Variants in SCHIP1 observed in about 807,000 individuals in gnomAD.
SCHIP1 encodes the protein schwannomin-interacting protein 1.
SCHIP1 carries 8 observed loss-of-function variants against 29.7 expected under a neutral mutation model. The observed-to-expected ratio is 0.27, with a 90% CI of 0.16 to 0.49. The LOEUF (loss-of-function observed/expected upper bound fraction) is 0.49. Ranked by LOEUF, SCHIP1 falls within the 20% of genes least tolerant of loss-of-function variation. The probability of loss-of-function intolerance (pLI) is 0.99; values close to 1 mark genes in which losing one functional copy is unlikely to be tolerated. For missense variants in SCHIP1, 193 were observed against 294.6 expected (o/e 0.66, Z 2.52); for synonymous variants, 76 against 94.9 (o/e 0.80, Z 1.16).
At chr3:159,285,356 A>T in the SCHIP1 span, among the ~76,000 whole-genome samples, 22 of 152,056 alleles carry the variant, frequency 1.4e-4, no homozygotes, top group African/African-American at 5.1e-4. Context: ...TCTATTTGCT[A>T]ATAGATAACA....
At chr3:159,724,857 G>A in the SCHIP1 span, among the ~76,000 whole-genome samples, 2 of 152,138 alleles carry the variant, frequency 1.3e-5, no homozygotes, top group African/African-American at 4.8e-5. Flanking sequence ...TAACTCAATG[G>A]GAATTCAGTG....
At chr3:159,581,743 A>G in the SCHIP1 span, among the ~76,000 whole-genome samples, 1 of 152,220 alleles carries the variant, frequency 6.6e-6, no homozygotes, top group Admixed American at 6.5e-5. Context: ...AGTAAAGTCT[A>G]CCTGATTTCA....
the SCHIP1 span, chr3:159,722,396 C>A: frequency 6.6e-6 from 1 of 152,600 alleles, no homozygotes; most frequent in Non-Finnish European, 1.5e-5. Context: ...CTCTTTCTAT[C>A]TTATAGAGAG....
At chr3:159,753,140 C>T in the SCHIP1 span, among the ~76,000 whole-genome samples, 2 of 152,176 alleles carry the variant, frequency 1.3e-5, no homozygotes, top group African/African-American at 2.4e-5. Context: ...GGACTAGAAA[C>T]TTGGCCTTCT....
At chr3:159,624,554 G>C in the SCHIP1 span, among the ~76,000 whole-genome samples, 1 of 152,134 alleles carries the variant, frequency 6.6e-6, no homozygotes, top group Non-Finnish European at 1.5e-5. Context: ...AATAATAACT[G>C]GGCCTAGAGG....
chr3:159,310,127 G>T, the SCHIP1 span, among the ~76,000 whole-genome samples: 1 of 152,136 alleles, frequency 6.6e-6, no homozygotes, highest in East Asian at 1.9e-4. Context: ...CCTCTTATTA[G>T]TGGGGGCATT....
the SCHIP1 span, among the ~76,000 whole-genome samples, chr3:159,569,012 A>G: frequency 3.1e-3 from 469 of 152,188 alleles, 4 homozygotes; most frequent in African/African-American, 0.011. Context: ...CCTAAAAACT[A>G]TTTTACCTAA....
chr3:159,640,837 T>C, the SCHIP1 span, among the ~76,000 whole-genome samples: 8 of 152,170 alleles, frequency 5.3e-5, no homozygotes, highest in African/African-American at 1.9e-4. Context: ...CTTCTCCAGC[T>C]GATAGTTCCC....
chr3:159,368,460 C>T, the SCHIP1 span, among the ~76,000 whole-genome samples: 4 of 152,292 alleles, frequency 2.6e-5, no homozygotes, highest in South Asian at 8.3e-4. Flanking sequence ...ACTGGCCTAG[C>T]AGTCAGAAGA....
chr3:159,463,340 T>C, the SCHIP1 span, among the ~76,000 whole-genome samples: 4 of 152,136 alleles, frequency 2.6e-5, no homozygotes, highest in African/African-American at 9.6e-5. Flanking sequence ...ATTTAGTTGA[T>C]ATTTACTTTG....
chr3:159,592,356 A>G, the SCHIP1 span, among the ~76,000 whole-genome samples: 1 of 152,254 alleles, frequency 6.6e-6, no homozygotes, highest in South Asian at 2.1e-4. Flanking sequence ...TCCTATTCAA[A>G]TAATAATTCT....
At chr3:159,564,163 C>T in the SCHIP1 span, among the ~76,000 whole-genome samples, 1 of 152,146 alleles carries the variant, frequency 6.6e-6, no homozygotes, top group Non-Finnish European at 1.5e-5. Flanking sequence ...CTGTACCCTG[C>T]ACTCACATAT....
chr3:159,800,732 C>T, the SCHIP1 span, among the ~76,000 whole-genome samples: 20 of 150,526 alleles, frequency 1.3e-4, no homozygotes, highest in African/African-American at 4.6e-4. Flanking sequence ...CATTTTTATA[C>T]AGGGCAGAGG....
At chr3:159,637,720 G>A in the SCHIP1 span, among the ~76,000 whole-genome samples, 1 of 152,152 alleles carries the variant, frequency 6.6e-6, no homozygotes, top group Non-Finnish European at 1.5e-5. Flanking sequence ...TTCCTTTTGA[G>A]AGTTATCATT....
chr3:159,576,674 G>A, the SCHIP1 span, among the ~76,000 whole-genome samples: 1 of 152,084 alleles, frequency 6.6e-6, no homozygotes, highest in East Asian at 1.9e-4. Flanking sequence ...TCATTGAAGT[G>A]TGACTCTCCT....
chr3:159,790,442 G>A, the SCHIP1 span, among the ~76,000 whole-genome samples: 1 of 152,334 alleles, frequency 6.6e-6, no homozygotes, highest in Middle Eastern at 3.4e-3. Context: ...TGTAATCCCA[G>A]CGCTTTGAAA....
the SCHIP1 span, among the ~76,000 whole-genome samples, chr3:159,710,108 A>G: frequency 6.6e-6 from 1 of 152,248 alleles, no homozygotes; most frequent in Non-Finnish European, 1.5e-5. Context: ...AAAAGAATGA[A>G]ATCTGTACGT....
chr3:159,681,380 T>A, the SCHIP1 span, among the ~76,000 whole-genome samples: 2 of 152,120 alleles, frequency 1.3e-5, no homozygotes, highest in African/African-American at 4.8e-5. Flanking sequence ...AAAACTAACA[T>A]CATCACAAGT....
the SCHIP1 span, among the ~76,000 whole-genome samples, chr3:159,578,072 G>T: frequency 1.3e-5 from 2 of 152,138 alleles, no homozygotes; most frequent in Non-Finnish European, 2.9e-5. Flanking sequence ...GTTTTGGGGG[G>T]GTGGAAGGGA....
Sources: gnomAD v4.1 joint callset for allele counts (sites outside exome capture counted in the v4.1 genomes callset) on GRCh38, gnomAD v4.1.1 for gene constraint, MANE v1.5 for transcripts, NCBI Gene and HGNC (gene_info 2026-07-23, HGNC 2026-07-21) for gene names.